BMP6: variants seen among roughly 807,000 people sequenced by gnomAD.
BMP6 encodes VG-1-R.
A neutral mutation model predicts 54.1 loss-of-function variants in BMP6; 17 were observed. The observed-to-expected ratio is 0.31, with a 90% CI of 0.22 to 0.47. BMP6 has a LOEUF of 0.47. BMP6 is among the 20% of genes least tolerant of loss of function. The probability of loss-of-function intolerance (pLI) is 1.00; values close to 1 mark genes in which losing one functional copy is unlikely to be tolerated. For missense variants in BMP6, 720 were observed against 690.4 expected, an observed-to-expected ratio of 1.04 and a Z score of -0.48; for synonymous variants, 328 against 291.2, an observed-to-expected ratio of 1.13 and a Z score of -1.28.
chr6:7,854,623 C>G (rs1759196775), intron 2 of BMP6, among the ~76,000 whole-genome samples: 1 of 152,276 alleles, frequency 6.6e-6, no homozygotes, highest in South Asian at 2.1e-4. Context: ...AGGGTGAACC[C>G]CCGTCTCTAC....
chr6:7,777,796 A>G (rs752607165), intron 1 of BMP6, among the ~76,000 whole-genome samples: 126 of 152,034 alleles, frequency 8.3e-4, no homozygotes, highest in Admixed American at 1.5e-3. Flanking sequence ...AGCTGGAACC[A>G]CTTTGGGAGT....
At chr6:7,806,660 CT>C (rs942976903) in intron 1 of BMP6, among the ~76,000 whole-genome samples, 12 of 147,818 alleles carry the variant, frequency 8.1e-5, no homozygotes, top group African/African-American at 7.4e-5. Flanking sequence ...ACAGAGATTT[CT>C]TTTTTTTTTA....
At chr6:7,837,701 G>A (rs191335713) in intron 1 of BMP6, among the ~76,000 whole-genome samples, 1 of 152,150 alleles carries the variant, frequency 6.6e-6, no homozygotes, top group East Asian at 1.9e-4. Flanking sequence ...TACACTGCTT[G>A]GGCGATGGGT....
At chr6:7,824,905 C>T (rs562057261) in intron 1 of BMP6, among the ~76,000 whole-genome samples, 5 of 152,302 alleles carry the variant, frequency 3.3e-5, no homozygotes, top group African/African-American at 1.2e-4. Flanking sequence ...AAAAGGTAGG[C>T]GTTTAACAAA....
chr6:7,781,247 A>G (rs1344855730), intron 1 of BMP6, among the ~76,000 whole-genome samples: 1 of 152,186 alleles, frequency 6.6e-6, no homozygotes, highest in Non-Finnish European at 1.5e-5. Context: ...TTACCACTTT[A>G]CAGATAAGGA....
intron 4 of BMP6, among the ~76,000 whole-genome samples, chr6:7,862,986 G>A (rs994305950): frequency 6.6e-6 from 1 of 151,990 alleles, no homozygotes; most frequent in African/African-American, 2.4e-5. Context: ...GAGAGGTTGA[G>A]GGTTTTTTTG....
At chr6:7,845,039 G>C (rs1374859412) in intron 1 of BMP6, 101 bp from the exon 2 acceptor site, 2 of 1,059,178 alleles carry the variant, frequency 1.9e-6, no homozygotes, top group East Asian at 2.4e-5. Context: ...GTGGGTAATT[G>C]GTAATCCACC....
intron 1 of BMP6, among the ~76,000 whole-genome samples, chr6:7,781,224 A>G (rs895133605): frequency 1.3e-5 from 2 of 152,224 alleles, no homozygotes; most frequent in South Asian, 4.1e-4. Flanking sequence ...AATAAGTAGT[A>G]TCGTTACTTT....
intron 1 of BMP6, among the ~76,000 whole-genome samples, chr6:7,795,708 C>A (rs546626654): frequency 6.6e-6 from 1 of 152,098 alleles, no homozygotes; most frequent in African/African-American, 2.4e-5. Context: ...AGGGCCTGGG[C>A]TAAGGTAGGG....
chr6:7,879,202 C>G, intron 5 of BMP6, 52 bp downstream of exon 5: 2 of 1,535,542 alleles, frequency 1.3e-6, no homozygotes, highest in Non-Finnish European at 1.8e-6. Flanking sequence ...AGTTTACTCT[C>G]ATCTGAATGG....
chr6:7,800,135 C>G (rs1240894068), intron 1 of BMP6, among the ~76,000 whole-genome samples: 2 of 147,070 alleles, frequency 1.4e-5, no homozygotes, highest in African/African-American at 5.0e-5. Flanking sequence ...CTAAAAGAAG[C>G]CACCCTGGCA....
intron 1 of BMP6, among the ~76,000 whole-genome samples, chr6:7,823,664 A>G (rs1478457439): frequency 6.6e-6 from 1 of 152,196 alleles, no homozygotes; most frequent in Admixed American, 6.5e-5. Flanking sequence ...ATATGTGAGC[A>G]GAGATGTGAC....
At chr6:7,730,172 CTT>C (rs1321081608) in intron 1 of BMP6, among the ~76,000 whole-genome samples, 1 of 152,204 alleles carries the variant, frequency 6.6e-6, no homozygotes, top group Non-Finnish European at 1.5e-5. Context: ...GCTTCTCTGA[CTT>C]TTCGTGGGCT....
intron 1 of BMP6, among the ~76,000 whole-genome samples, chr6:7,766,393 G>A (rs1757688355): frequency 6.6e-6 from 1 of 152,116 alleles, no homozygotes. Context: ...TGGAAGGATT[G>A]CTTGAGACCA....
At chr6:7,867,674 C>A (rs912504173) in intron 4 of BMP6, among the ~76,000 whole-genome samples, 1 of 152,160 alleles carries the variant, frequency 6.6e-6, no homozygotes, top group African/African-American at 2.4e-5. Flanking sequence ...GCTTGGCTTG[C>A]AGATGTCTTA....
At chr6:7,810,721 T>C (rs1050078855) in intron 1 of BMP6, among the ~76,000 whole-genome samples, 20 of 152,248 alleles carry the variant, frequency 1.3e-4, no homozygotes, top group Non-Finnish European at 4.4e-5. Context: ...TGTATTTTAC[T>C]AAAACTATGT....
intron 1 of BMP6, among the ~76,000 whole-genome samples, chr6:7,773,829 G>A (rs145731408): frequency 6.6e-6 from 1 of 152,262 alleles, no homozygotes; most frequent in African/African-American, 2.4e-5. Flanking sequence ...TTTAGGCTAG[G>A]GTTAATGGGA....
intron 1 of BMP6, among the ~76,000 whole-genome samples, chr6:7,809,686 C>G (rs1219469207): frequency 6.6e-6 from 1 of 152,212 alleles, no homozygotes; most frequent in African/African-American, 2.4e-5. Context: ...AATAGGCGAA[C>G]ATGGTTATTA....
At chr6:7,824,471 G>A (rs576226945) in intron 1 of BMP6, among the ~76,000 whole-genome samples, 1 of 152,056 alleles carries the variant, frequency 6.6e-6, no homozygotes, top group Non-Finnish European at 1.5e-5. Flanking sequence ...AGAGGGAGGA[G>A]GTTGTGTGAT....
Sources: allele counts gnomAD v4.1 joint callset (sites outside exome capture counted in the v4.1 genomes callset), GRCh38; gene constraint gnomAD v4.1.1; transcripts MANE v1.5; gene names NCBI Gene and HGNC (gene_info 2026-07-23, HGNC 2026-07-21).